TPRG1: variants seen among roughly 807,000 people sequenced by gnomAD.
TPRG1 encodes tumor protein p63 regulated 1.
In TPRG1, 29 loss-of-function variants were observed where a neutral mutation model predicts 29.3. The observed-to-expected ratio is 0.99, with a 90% CI of 0.74 to 1.35. The LOEUF (loss-of-function observed/expected upper bound fraction) is 1.35, where lower values mean the gene tolerates loss of function less well. Among genes scored for constraint, TPRG1 ranks in the 40% most tolerant of loss-of-function variants. The probability of loss-of-function intolerance (pLI) is 0.00; values close to 1 mark genes in which losing one functional copy is unlikely to be tolerated. For synonymous variants in TPRG1, 130 were observed against 116.8 expected (o/e 1.11, Z -0.73); for missense variants, 327 against 335.0 (o/e 0.98, Z 0.19).
chr3:189,161,411 A>G (rs1560501787), intron 5 of TPRG1, among the ~76,000 whole-genome samples: 1 of 152,116 alleles, frequency 6.6e-6, no homozygotes, highest in East Asian at 1.9e-4. Context: ...ATTCAAATAC[A>G]TTACATGCAT....
At chr3:189,125,418 G>T (rs557154118) in intron 1 of TPRG1, among the ~76,000 whole-genome samples, 1 of 152,196 alleles carries the variant, frequency 6.6e-6, no homozygotes, top group Non-Finnish European at 1.5e-5. Context: ...TTAAATGAAG[G>T]TGCTTATTAT....
intron 3 of TPRG1, among the ~76,000 whole-genome samples, chr3:189,237,218 T>G (rs1739628498): frequency 6.6e-6 from 1 of 152,138 alleles, no homozygotes; most frequent in African/African-American, 2.4e-5. Context: ...GCTATTTGAC[T>G]GAAGGGGATG....
intron 3 of TPRG1, among the ~76,000 whole-genome samples, chr3:189,140,955 A>C (rs1381597880): frequency 6.6e-6 from 1 of 152,180 alleles, no homozygotes; most frequent in Non-Finnish European, 1.5e-5. Context: ...ACCAGGTCCT[A>C]CCTGGTGATG....
At chr3:189,314,882 G>A (rs1312872367) in intron 5 of TPRG1, among the ~76,000 whole-genome samples, 5 of 152,186 alleles carry the variant, frequency 3.3e-5, no homozygotes, top group Admixed American at 3.3e-4. Context: ...TGACTCAGGA[G>A]GCTAAGGTGG....
chr3:189,065,349 CCAAA>C (rs1186640844), intron 4 of TPRG1, among the ~76,000 whole-genome samples: 1 of 151,926 alleles, frequency 6.6e-6, no homozygotes, highest in East Asian at 1.9e-4. Flanking sequence ...GATACCAATA[CCAAA>C]CAAAGACAGT....
At chr3:189,290,512 AG>A (rs1718821941) in intron 4 of TPRG1, among the ~76,000 whole-genome samples, 1 of 152,248 alleles carries the variant, frequency 6.6e-6, no homozygotes, top group Non-Finnish European at 1.5e-5. Flanking sequence ...AACCCCTGTT[AG>A]GAATAAATAG....
intron 2 of TPRG1, among the ~76,000 whole-genome samples, chr3:189,208,515 T>C (rs1734760801): frequency 6.6e-6 from 1 of 152,334 alleles, no homozygotes; most frequent in African/African-American, 2.4e-5. Flanking sequence ...CCTGATTTGG[T>C]TGCTTTCAAA....
At chr3:189,015,565 C>T (rs1349583454) in intron 3 of TPRG1, among the ~76,000 whole-genome samples, 1 of 152,144 alleles carries the variant, frequency 6.6e-6, no homozygotes, top group Non-Finnish European at 1.5e-5. Context: ...CGTGACAGCC[C>T]CTCCCATCCC....
At chr3:189,007,920 A>G (rs1359652923) in intron 3 of TPRG1, among the ~76,000 whole-genome samples, 1 of 116,834 alleles carries the variant, frequency 8.6e-6, no homozygotes, top group African/African-American at 3.4e-5. Flanking sequence ...GGGGGGAGGG[A>G]TAGCATTGGG....
chr3:189,120,087 A>G (rs1162475837), intron 1 of TPRG1, among the ~76,000 whole-genome samples: 1 of 152,202 alleles, frequency 6.6e-6, no homozygotes, highest in Non-Finnish European at 1.5e-5. Flanking sequence ...ATACTAAACG[A>G]ACAAACCCCA....
chr3:189,159,734 T>A (rs914100509), intron 5 of TPRG1, among the ~76,000 whole-genome samples: 1 of 152,080 alleles, frequency 6.6e-6, no homozygotes, highest in Non-Finnish European at 1.5e-5. Context: ...GAATGGGCAA[T>A]GAGAAATTGG....
chr3:189,160,131 G>A lies in TPRG1; in HGVS notation c.-10+9259G>A, dbSNP rs79735395. Among the ~76,000 whole-genome samples, 226 of 152,208 alleles carry A rather than the reference G, an allele frequency of 1.5e-3. 3 individuals are homozygous for A. In the East Asian group the frequency reaches 0.024, roughly 16 times the overall value. On this transcript the variant is annotated intron_variant, in intron 5 of 6. Coordinates refer to the TPRG1 transcript ENST00000412373. ...AGCTGAGATGGGCTGCAGCCCTCCC[G>A]GAAGCTTAAGTATGTCAGCACCTCT...
chr3:189,318,465 G>A (rs562156855), intron 5 of TPRG1, among the ~76,000 whole-genome samples: 1 of 152,202 alleles, frequency 6.6e-6, no homozygotes, highest in East Asian at 1.9e-4. Flanking sequence ...TTGGAGAGTC[G>A]GCACTATAGA....
rs142448649 is a variant in TPRG1, at chr3:189,189,778, A to G, written c.-9-17598A>G. Reference sequence around the variant, plus strand: ...TCTATATTCTGTCACTTCCAAATGGAGAGTTAGTTTTAGCTACTCTCTATA... The same window carrying G: ...TCTATATTCTGTCACTTCCAAATGGGGAGTTAGTTTTAGCTACTCTCTATA... On this transcript the variant is annotated intron_variant, in intron 1 of 5. Coordinates refer to ENST00000345063, the MANE Select transcript of TPRG1 (RefSeq NM_198485.4). Among the ~76,000 whole-genome samples, 5 of 152,340 alleles carry G rather than the reference A, an allele frequency of 3.3e-5. No homozygotes were observed. In the East Asian group the frequency reaches 9.6e-4, roughly 29 times the overall value.
chr3:189,152,287 C>T (rs1275193824), intron 5 of TPRG1, among the ~76,000 whole-genome samples: 1 of 152,118 alleles, frequency 6.6e-6, no homozygotes, highest in Non-Finnish European at 1.5e-5. Context: ...CAAGTCACAC[C>T]ATCGTTGCTG....
At chr3:189,205,547 T>C (rs1158416748) in intron 1 of TPRG1, among the ~76,000 whole-genome samples, 1 of 152,262 alleles carries the variant, frequency 6.6e-6, no homozygotes, top group Non-Finnish European at 1.5e-5. Flanking sequence ...TTGCTGGGGA[T>C]AGGGGCTTCT....
At chr3:189,174,915 A>G (rs1489573050) in intron 1 of TPRG1, among the ~76,000 whole-genome samples, 1 of 152,240 alleles carries the variant, frequency 6.6e-6, no homozygotes, top group Non-Finnish European at 1.5e-5. Flanking sequence ...ATAGATAGCA[A>G]TATAATGCCC....
At chr3:189,302,095 C>T (rs1425882676) in intron 4 of TPRG1, among the ~76,000 whole-genome samples, 1 of 152,146 alleles carries the variant, frequency 6.6e-6, no homozygotes, top group African/African-American at 2.4e-5. Flanking sequence ...TTATGATTTC[C>T]TGTCTTCAAA....
intron 4 of TPRG1, among the ~76,000 whole-genome samples, chr3:189,271,067 T>A (rs1470740498): frequency 6.6e-6 from 1 of 152,162 alleles, no homozygotes; most frequent in Non-Finnish European, 1.5e-5. Context: ...AGTGGTTGAC[T>A]TTTGATTTTA....
Sources: gnomAD v4.1 joint callset for allele counts (sites outside exome capture counted in the v4.1 genomes callset) on GRCh38, gnomAD v4.1.1 for gene constraint, MANE v1.5 for transcripts, NCBI Gene and HGNC (gene_info 2026-07-23, HGNC 2026-07-21) for gene names.